Variants in NRAS observed in about 807,000 individuals in gnomAD.
The protein encoded by NRAS is GTPase NRas.
In NRAS, 6 loss-of-function variants were observed where a neutral mutation model predicts 21.3. The ratio of observed to expected loss-of-function variants is 0.28; its 90% CI spans 0.15 to 0.56. The LOEUF is 0.56. Ranked by LOEUF, NRAS falls within the 20% of genes least tolerant of loss-of-function variation. The pLI is 0.93. For missense variants in NRAS, 143 were observed against 231.3 expected (o/e 0.62, Z 2.48); for synonymous variants, 84 against 82.0 (o/e 1.02, Z -0.13).
chr1:114,713,987 G>GT lies in NRAS; in HGVS notation c.112-10dup. 2 of 1,546,986 alleles carry GT rather than the reference G, an allele frequency of 1.3e-6. No individual in the cohort carries two copies. The highest frequency in any genetic ancestry group is 1.8e-6 in the Non-Finnish European group (2 of 1,125,866). On this transcript the variant is annotated splice_polypyrimidine_tract_variant and intron_variant, in intron 2 of 6. Transcript: ENST00000369535. ...TGTTTTCTGTAAGAATCCTGGGGGT[G>GT]TGGAGGGTAAGGGGGCAGGGAGGGA...
intron 3 of NRAS, among the ~76,000 whole-genome samples, chr1:114,710,577 A>G (rs1236281576): frequency 6.6e-6 from 1 of 151,976 alleles, no homozygotes; most frequent in Non-Finnish European, 1.5e-5. Context: ...GAGCGAGAGA[A>G]AGAGAGAGCG....
intron 5 of NRAS, 111 bp downstream of exon 5, chr1:114,708,420 G>A: frequency 1.0e-6 from 1 of 972,520 alleles, no homozygotes; most frequent in Non-Finnish European, 1.7e-6. Context: ...ATGTGCAGAA[G>A]AGGATAGGCA....
chr1:114,710,363 T>C (rs917730767), intron 3 of NRAS, among the ~76,000 whole-genome samples: 6 of 145,242 alleles, frequency 4.1e-5, no homozygotes, highest in African/African-American at 1.5e-4. Flanking sequence ...ATACAATATA[T>C]ATTATAGCTG....
At chr1:114,709,775 G>A (rs1217851167) in intron 3 of NRAS, 47 bp from the exon 4 acceptor site, 2 of 1,521,826 alleles carry the variant, frequency 1.3e-6, no homozygotes, top group African/African-American at 2.7e-5. Context: ...ACAAGATTAG[G>A]CTGGGTACAG....
At chr1:114,715,843 TA>T (rs1659151215) in intron 2 of NRAS, among the ~76,000 whole-genome samples, 1 of 152,248 alleles carries the variant, frequency 6.6e-6, no homozygotes, top group Non-Finnish European at 1.5e-5. Flanking sequence ...ACAGAACTGT[TA>T]AAAACTGGAC....
chr1:114,713,255 C>T (rs1174132171), intron 3 of NRAS, among the ~76,000 whole-genome samples: 4 of 152,010 alleles, frequency 2.6e-5, no homozygotes, highest in Non-Finnish European at 4.4e-5. Context: ...AGTGAGCATG[C>T]CTCGACCTCC....
At chr1:114,709,343 G>A (rs1013413602) in intron 4 of NRAS, among the ~76,000 whole-genome samples, 1 of 151,920 alleles carries the variant, frequency 6.6e-6, no homozygotes, top group Non-Finnish European at 1.5e-5. Flanking sequence ...GCTGAGGCAG[G>A]AGAATCACTT....
Position 114,716,043 on chromosome 1 carries a change from G to A in NRAS, c.111+7C>T, listed in dbSNP as rs769488032. On this transcript the variant is annotated splice_region_variant and intron_variant, in intron 2 of 6. Transcript: ENST00000369535. Reference sequence around the variant, plus strand: ...GATCAGGTCAGCGGGCTACCACTGGGCCTCACCTCTATGGTGGGATCATAT... The same window carrying A: ...GATCAGGTCAGCGGGCTACCACTGGACCTCACCTCTATGGTGGGATCATAT... 6.5e-7 allele frequency: 1 copy of A among 1,537,904 alleles called. No homozygotes were observed. The highest frequency in any genetic ancestry group is 9.0e-7 in the Non-Finnish European group (1 of 1,110,364).
chr1:114,708,318 A>G, intron 5 of NRAS, 126 bp from the exon 6 acceptor site: 2 of 587,940 alleles, frequency 3.4e-6, no homozygotes, highest in Non-Finnish European at 6.0e-6. Context: ...ATAATTTCTA[A>G]TGTTACCAAA....
At position 114,708,116 on chromosome 1, in the gene NRAS, T is replaced by C. The variant is rs1327170806; in HGVS notation, c.*43+38A>G. On this transcript the variant is annotated intron_variant, in intron 6 of 6. Transcript: ENST00000369535. The stretch of plus-strand genomic sequence containing the variant: ...GTATAAGAAAAACAAATATACAAAA[T>C]TAACAGGAATGAGAATACATTTCCA... The C allele has an allele frequency of 2.6e-5, 5 of 194,900 alleles. No individual in the cohort carries two copies. In the Admixed American group the frequency reaches 2.7e-4, roughly 11 times the overall value. 12.1% of individuals were successfully genotyped at this position (194,900 alleles called of 1,614,324 possible). A position where few individuals can be genotyped will look rare whatever the true frequency, so the allele number is the denominator to read the frequency against.
At chr1:114,711,720 A>G (rs998972918) in intron 3 of NRAS, among the ~76,000 whole-genome samples, 2 of 152,196 alleles carry the variant, frequency 1.3e-5, no homozygotes, top group Admixed American at 6.5e-5. Context: ...GGGAGGCTGA[A>G]GCATCTAGAA....
rs1188196817 is a variant in NRAS at position 114,707,066 on chromosome 1, A to G, written c.*1028T>C. On this transcript the variant is annotated 3_prime_UTR_variant, in exon 7 of 7. Transcript: ENST00000369535. Reference sequence around the variant, plus strand: ...AATATTTGAACATCTGCAAATGTAGAGCTTTCTGGTATGACACAAATTTGA... The same window carrying G: ...AATATTTGAACATCTGCAAATGTAGGGCTTTCTGGTATGACACAAATTTGA... 2.0e-5 allele frequency: 3 copies of G among 152,680 alleles called. No individual in the cohort carries two copies. Among genetic ancestry groups the G allele is most frequent in the Admixed American group, 6.5e-5 (1 of 15,282 alleles). The allele number at this position is 152,680 out of a possible 1,614,324, so 9.5% of individuals were successfully genotyped here.
chr1:114,710,132 A>G (rs1412462533), intron 3 of NRAS, among the ~76,000 whole-genome samples: 3 of 151,004 alleles, frequency 2.0e-5, no homozygotes, highest in Non-Finnish European at 4.4e-5. Context: ...CGAAGATTGC[A>G]GTGAGCCAAG....
rs1658956161 is a variant in NRAS at position 114,707,974 on chromosome 1, G to GA, written c.*119dup. ...CTACTGAGAGCTGGGGAAGTAGCAG[G>GA]AGCTTCTCTGTGAGACTGAAGACAG... On this transcript the variant is annotated 3_prime_UTR_variant, in exon 7 of 7. Transcript: ENST00000369535. 1 of 159,670 alleles carries GA rather than the reference G, an allele frequency of 6.3e-6. No homozygotes were observed. The highest frequency in any genetic ancestry group is 1.4e-5 in the Non-Finnish European group (1 of 72,290). The allele number at this position is 159,670 out of a possible 1,614,324, so 9.9% of individuals were successfully genotyped here. A position where few individuals can be genotyped will look rare whatever the true frequency, so the allele number is the denominator to read the frequency against.
At chr1:114,715,723 TC>T (rs1446820179) in intron 2 of NRAS, among the ~76,000 whole-genome samples, 2 of 152,176 alleles carry the variant, frequency 1.3e-5, no homozygotes, top group Non-Finnish European at 2.9e-5. Flanking sequence ...TCCTATTATC[TC>T]CCATACAATC....
At chr1:114,709,410 A>G (rs993967404) in intron 4 of NRAS, among the ~76,000 whole-genome samples, 159 bp downstream of exon 4, 7 of 152,126 alleles carry the variant, frequency 4.6e-5, no homozygotes, top group Admixed American at 1.3e-4. Flanking sequence ...ACTCCAGCTT[A>G]GAAGATAGAG....
At chr1:114,708,454 A>G (rs1658964252) in intron 5 of NRAS, 77 bp downstream of exon 5, 1 of 1,354,016 alleles carries the variant, frequency 7.4e-7, no homozygotes, top group South Asian at 1.2e-5. Flanking sequence ...CATATAGACA[A>G]TAACACCAGC....
chr1:114,709,615 T>G lies in NRAS; in HGVS notation c.404A>C (p.Lys135Thr). The G allele has an allele frequency of 6.2e-7, 1 of 1,614,190 alleles. No individual in the cohort carries two copies. Among genetic ancestry groups the G allele is most frequent in the Non-Finnish European group, 8.5e-7 (1 of 1,179,994 alleles). ...TTCAATGAATGGAATCCCGTAACTC[T>G]TGGCCAGTTCGTGGGCTTGTTTTGT... ...VDTKQAHELAKSYGIPFIETS... is the reference protein window; with the variant it reads ...VDTKQAHELATSYGIPFIETS... Residue 135 changes from lysine (K) to threonine (T), a missense_variant, in exon 4 of 7, where the codon AAG (lysine) becomes ACG (threonine). Lys to Thr is a moderately conservative substitution (Grantham distance 78, BLOSUM62 -1). Coordinates refer to ENST00000369535, the MANE Select transcript of NRAS (RefSeq NM_002524.5).
At position 114,704,732 on chromosome 1, in the gene NRAS, A is replaced by T. The variant is rs577115849; in HGVS notation, c.*3362T>A. The T allele has an allele frequency of 6.6e-6, 1 of 152,226 alleles. No individual in the cohort carries two copies. Among genetic ancestry groups the T allele is most frequent in the Non-Finnish European group, 1.5e-5 (1 of 68,036 alleles). 9.4% of individuals were successfully genotyped at this position (152,226 alleles called of 1,614,324 possible). A position where few individuals can be genotyped will look rare whatever the true frequency, so the allele number is the denominator to read the frequency against. On this transcript the variant is annotated 3_prime_UTR_variant, in exon 7 of 7. Coordinates refer to ENST00000369535, the MANE Select transcript of NRAS (RefSeq NM_002524.5). Reference sequence around the variant, plus strand: ...CACGGACATCCTCCCCTCCCTCCAGAGCAGAGTTCATACAATTCCATCTTA... The same window carrying T: ...CACGGACATCCTCCCCTCCCTCCAGTGCAGAGTTCATACAATTCCATCTTA...
Sources: allele counts gnomAD v4.1 joint callset (sites outside exome capture counted in the v4.1 genomes callset), GRCh38; gene constraint gnomAD v4.1.1; transcripts MANE v1.5; gene names NCBI Gene and HGNC (gene_info 2026-07-23, HGNC 2026-07-21).